ENO1: variants seen among roughly 807,000 people sequenced by gnomAD.
The protein encoded by ENO1 is enolase 1, also known as alpha-enolase.
In ENO1, 33 loss-of-function variants were observed where a neutral mutation model predicts 46.3. The observed-to-expected ratio is 0.71, with a 90% confidence interval of 0.54 to 0.95. The LOEUF is 0.95. ENO1 is among the 40% of genes least tolerant of loss of function. The pLI, the probability that ENO1 is intolerant of heterozygous loss-of-function variation, is 0.00. For missense variants in ENO1, 488 were observed against 553.3 expected (o/e 0.88, Z 1.18); for synonymous variants, 220 against 216.0 (o/e 1.02, Z -0.16).
intron 1 of ENO1, among the ~76,000 whole-genome samples, chr1:8,875,307 G>GAA (rs80201810): frequency 1.7e-5 from 2 of 114,564 alleles, no homozygotes; most frequent in African/African-American, 3.1e-5. Context: ...TAAGAAAAAA[G>GAA]AAAAAAAAAA....
intron 1 of ENO1, among the ~76,000 whole-genome samples, chr1:8,876,533 A>G (rs1294440812): frequency 6.6e-6 from 1 of 152,176 alleles, no homozygotes; most frequent in Non-Finnish European, 1.5e-5. Flanking sequence ...TGAGTATTTC[A>G]GTCATACTTT....
chr1:8,867,961 G>A, intron 5 of ENO1, 27 bp downstream of exon 5: 1 of 1,606,764 alleles, frequency 6.2e-7, no homozygotes, highest in Non-Finnish European at 8.5e-7. Context: ...ATCTTCCCCA[G>A]TAAAGACGCC....
chr1:8,865,155 A>G, intron 8 of ENO1, 130 bp downstream of exon 8: 2 of 1,119,700 alleles, frequency 1.8e-6, no homozygotes, highest in Non-Finnish European at 2.6e-6. Context: ...TGAATCCCCT[A>G]CGGGAGCTGG....
intron 1 of ENO1, chr1:8,877,830 C>T (rs1279437474): frequency 6.6e-6 from 1 of 151,712 alleles, no homozygotes; most frequent in Non-Finnish European, 1.5e-5. Context: ...AACCGAGATC[C>T]GAGATCGCGC....
chr1:8,863,619 T>G (rs543869125), intron 9 of ENO1, among the ~76,000 whole-genome samples: 1 of 152,358 alleles, frequency 6.6e-6, no homozygotes, highest in African/African-American at 2.4e-5. Context: ...GACAGAGCTC[T>G]TCACAGAATA....
At chr1:8,864,223 A>T (rs1543711) in intron 8 of ENO1, 131 bp from the exon 9 acceptor site, 1 of 956,270 alleles carries the variant, frequency 1.0e-6, no homozygotes, top group Non-Finnish European at 1.7e-6. Context: ...GGATGGGGAC[A>T]GCTCCCCAAC....
chr1:8,878,427 C>CAGTTA (rs1642782541), intron 1 of ENO1, among the ~76,000 whole-genome samples, 153 bp downstream of exon 1: 1 of 152,112 alleles, frequency 6.6e-6, no homozygotes, highest in South Asian at 2.1e-4. Context: ...GCGGGGGCGC[C>CAGTTA]AGTTCCCACC....
chr1:8,878,276 T>A (rs919813198), intron 1 of ENO1: 1 of 261,326 alleles, frequency 3.8e-6, no homozygotes, highest in Non-Finnish European at 7.5e-6. Flanking sequence ...GCAGCTCGCG[T>A]GTGCAGCTCC....
intron 8 of ENO1, 39 bp downstream of exon 8, chr1:8,865,246 A>G: frequency 6.2e-7 from 1 of 1,605,638 alleles, no homozygotes; most frequent in East Asian, 2.2e-5. Flanking sequence ...GCTGCAGGTC[A>G]GTGGCAGGAA....
At chr1:8,868,967 C>T (rs953287182) in intron 4 of ENO1, among the ~76,000 whole-genome samples, 6 of 152,146 alleles carry the variant, frequency 3.9e-5, no homozygotes, top group Non-Finnish European at 8.8e-5. Context: ...GAATTACAGG[C>T]GTTAGCCACT....
In ENO1 at chr1:8,877,956, AGGTC is replaced by A. The variant is rs1381348727; in HGVS notation, c.-10+620_-10+623del. The A allele has an allele frequency of 2.0e-5, 3 of 152,168 alleles. No homozygotes were observed. The East Asian group carries it at 5.8e-4, about 30-fold the overall frequency. The allele number at this position is 152,168 out of a possible 1,614,324, so 9.4% of individuals were successfully genotyped here. ...GAGCCGCTCTTGCCCAACTTGGGCGAGGTCGCCTGGAGGACTTGCCAATGATCTA... is the reference window on the plus strand; with the variant it reads ...GAGCCGCTCTTGCCCAACTTGGGCGAGCCTGGAGGACTTGCCAATGATCTA... On this transcript the variant is annotated intron_variant, in intron 1 of 11. Coordinates refer to ENST00000234590, the MANE Select transcript of ENO1 (RefSeq NM_001428.5).
intron 10 of ENO1, 98 bp from the exon 11 acceptor site, chr1:8,863,043 A>G: frequency 6.7e-7 from 1 of 1,489,266 alleles, no homozygotes; most frequent in Non-Finnish European, 9.2e-7. Flanking sequence ...TTTCTAGAGG[A>G]TCTGATGCTA....
intron 5 of ENO1, among the ~76,000 whole-genome samples, chr1:8,867,765 C>T (rs1262666506): frequency 2.0e-5 from 3 of 152,134 alleles, no homozygotes; most frequent in South Asian, 2.1e-4. Flanking sequence ...CTCCTGACCT[C>T]GTGATCCACC....
At chr1:8,865,092 A>G (rs574654034) in intron 8 of ENO1, among the ~76,000 whole-genome samples, 193 bp downstream of exon 8, 1 of 152,308 alleles carries the variant, frequency 6.6e-6, no homozygotes, top group African/African-American at 2.4e-5. Context: ...CCTTAGCTAC[A>G]CAAGAACCTC....
chr1:8,864,817 C>T (rs1642477632), intron 8 of ENO1, among the ~76,000 whole-genome samples: 1 of 152,198 alleles, frequency 6.6e-6, no homozygotes, highest in African/African-American at 2.4e-5. Context: ...TCTTGCCCCA[C>T]CATTTGCTGT....
intron 11 of ENO1, 147 bp from the exon 12 acceptor site, chr1:8,861,576 C>A: frequency 2.7e-6 from 2 of 735,100 alleles, no homozygotes; most frequent in South Asian, 3.6e-5. Flanking sequence ...TGTCCACCTT[C>A]TTTAAACCCT....
At chr1:8,877,615 G>A in intron 1 of ENO1, 8 of 152,350 alleles carry the variant, frequency 5.3e-5, no homozygotes, top group Non-Finnish European at 1.0e-4. Flanking sequence ...CAGCACTTTG[G>A]GAGGCCGAGG....
chr1:8,863,535 C>T (rs1283216339), intron 9 of ENO1, among the ~76,000 whole-genome samples, 192 bp from the exon 10 acceptor site: 1 of 152,194 alleles, frequency 6.6e-6, no homozygotes, highest in African/African-American at 2.4e-5. Context: ...ACCCCCAGGA[C>T]CTTCTTAGCC....
At position 8,866,336 on chromosome 1, in the gene ENO1, C is replaced by T. The variant is rs763709873; in HGVS notation, c.610G>A (p.Ala204Thr). 1 of 1,614,138 alleles carries T rather than the reference C, an allele frequency of 6.2e-7. No individual in the cohort carries two copies. The highest frequency in any genetic ancestry group is 2.2e-5 in the East Asian group (1 of 44,860). ...NVIKEKYGKD[A>T]TNVGDEGGFA... is the part of the protein sequence containing the mutation. ...CCGCCTTCATCCCCCACATTGGTGGCATCTTTCCCATATTTCTCCTTGATG... is the reference window on the plus strand; with the variant it reads ...CCGCCTTCATCCCCCACATTGGTGGTATCTTTCCCATATTTCTCCTTGATG... The change falls in exon 7 of 12, where the codon GCC becomes ACC. Residue 204 changes from alanine (A) to threonine (T), a missense_variant. Transcript: ENST00000234590.
Sources: gnomAD v4.1 joint callset for allele counts (sites outside exome capture counted in the v4.1 genomes callset) on GRCh38, gnomAD v4.1.1 for gene constraint, MANE v1.5 for transcripts, NCBI Gene and HGNC (gene_info 2026-07-23, HGNC 2026-07-21) for gene names.